Variants in NRG1 observed in about 807,000 individuals in gnomAD.
NRG1 encodes the protein neuregulin 1, also known as pro-neuregulin-1, membrane-bound isoform.
In NRG1, 18 loss-of-function variants were observed where a neutral mutation model predicts 63.8. That is an observed-to-expected ratio of 0.28 (90% CI 0.19 to 0.42). The LOEUF (loss-of-function observed/expected upper bound fraction) is 0.42, where lower values mean the gene tolerates loss of function less well. Among genes scored for constraint, NRG1 ranks in the 10% least tolerant of loss-of-function variants. NRG1 has a pLI of 1.00. For synonymous variants in NRG1, 302 were observed against 301.3 expected, an observed-to-expected ratio of 1.00 and a Z score of -0.02; for missense variants, 762 against 814.7, an observed-to-expected ratio of 0.94 and a Z score of 0.79.
chr8:31,797,499 T>C lies in NRG1; in HGVS notation c.37+158068T>C, dbSNP rs529704800. Among the ~76,000 whole-genome samples the C allele has an allele frequency of 5.3e-5, 8 of 152,340 alleles. No homozygotes were observed. In the East Asian group the frequency reaches 1.3e-3, roughly 26 times the overall value. ...GAATACAAAGAAAAGTGAGCTCTTA[T>C]AGCCTGTTGATGGGAATGTAAATTA... On this transcript the variant is annotated intron_variant, in intron 1 of 10. Coordinates refer to the NRG1 transcript ENST00000519301.
At chr8:32,458,053 G>T (rs1034700260) in intron 1 of NRG1, among the ~76,000 whole-genome samples, 1 of 152,110 alleles carries the variant, frequency 6.6e-6, no homozygotes, top group East Asian at 1.9e-4. Context: ...AAATAGCTGG[G>T]ACTACAGGCA....
At chr8:32,544,763 T>G (rs911194578), upstream of NRG1, among the ~76,000 whole-genome samples, 18 of 127,752 alleles carry the variant, frequency 1.4e-4, no homozygotes, top group African/African-American at 5.2e-4. Context: ...GCTCAAGCAA[T>G]CCACTCATCT....
intron 1 of NRG1, among the ~76,000 whole-genome samples, chr8:32,437,580 G>A (rs1473491865): frequency 6.6e-6 from 1 of 152,074 alleles, no homozygotes; most frequent in Non-Finnish European, 1.5e-5. Flanking sequence ...TTTCATGACT[G>A]GTTTTCACAA....
chr8:32,158,448 GATATATATAT>G (rs36087607), intron 1 of NRG1, among the ~76,000 whole-genome samples: 1,943 of 62,190 alleles, frequency 0.031, 184 homozygotes, highest in African/African-American at 0.073. Context: ...TGGTTTACAT[GATATATATAT>G]ATATATATAT....
Position 31,705,493 on chromosome 8 carries a change from T to C in NRG1, c.37+66062T>C, listed in dbSNP as rs143345076. On this transcript the variant is annotated intron_variant, in intron 1 of 10. Transcript: ENST00000519301. The stretch of plus-strand genomic sequence containing the variant: ...TGCAGGACAAGAGATAGGATGAAAG[T>C]TGGAAAATAATAATTTATGGAGAAA... Among the ~76,000 whole-genome samples the C allele has an allele frequency of 2.9e-3, 443 of 152,302 alleles. 3 individuals carry two copies. Among genetic ancestry groups the C allele is most frequent in the African/African-American group, 9.5e-3 (393 of 41,558 alleles).
At chr8:32,170,009 T>C (rs1319053987) in intron 1 of NRG1, among the ~76,000 whole-genome samples, 1 of 152,156 alleles carries the variant, frequency 6.6e-6, no homozygotes, top group Non-Finnish European at 1.5e-5. Flanking sequence ...AAGAACACCA[T>C]GTGAAGACAG....
At chr8:32,074,217 A>G (rs1826168140) in intron 1 of NRG1, among the ~76,000 whole-genome samples, 1 of 152,152 alleles carries the variant, frequency 6.6e-6, no homozygotes, top group South Asian at 2.1e-4. Flanking sequence ...TGCAATGAAG[A>G]CACTTCTGCA....
chr8:32,439,478 G>A (rs1819230458), intron 1 of NRG1, among the ~76,000 whole-genome samples: 2 of 152,054 alleles, frequency 1.3e-5, no homozygotes, highest in South Asian at 4.1e-4. Flanking sequence ...AGTGAAACCT[G>A]AAGAAGTAAA....
intron 1 of NRG1, among the ~76,000 whole-genome samples, chr8:32,284,048 C>A (rs1043253431): frequency 9.2e-5 from 14 of 152,090 alleles, no homozygotes; most frequent in African/African-American, 3.1e-4. Flanking sequence ...GTCTCTTGGG[C>A]CACTTTATGT....
intron 4 of NRG1, among the ~76,000 whole-genome samples, chr8:32,615,940 T>C (rs909088089): frequency 2.0e-5 from 3 of 152,102 alleles, no homozygotes; most frequent in Admixed American, 6.6e-5. Context: ...TTCTGTAATA[T>C]AGGGACTTCG....
At chr8:32,714,986 T>C (rs371385631) in intron 5 of NRG1, among the ~76,000 whole-genome samples, 82 of 152,320 alleles carry the variant, frequency 5.4e-4, no homozygotes, top group African/African-American at 1.9e-3. Flanking sequence ...TTGCTGATTT[T>C]TTTTTAAGAC....
At chr8:31,998,242 T>C (rs1404619192) in intron 1 of NRG1, among the ~76,000 whole-genome samples, 1 of 152,048 alleles carries the variant, frequency 6.6e-6, no homozygotes, top group Non-Finnish European at 1.5e-5. Context: ...GCCATAAAGA[T>C]ATAAGTCTTG....
At chr8:31,889,565 C>T (rs1054625820) in intron 1 of NRG1, among the ~76,000 whole-genome samples, 1 of 152,182 alleles carries the variant, frequency 6.6e-6, no homozygotes, top group African/African-American at 2.4e-5. Context: ...GCTCTGTGTT[C>T]TGGTTGGCAG....
chr8:32,409,283 C>A (rs1031359272), intron 1 of NRG1, among the ~76,000 whole-genome samples: 1 of 152,090 alleles, frequency 6.6e-6, no homozygotes, highest in Admixed American at 6.5e-5. Context: ...AAATGTAATA[C>A]CTGACACTAT....
At chr8:32,557,095 C>A (rs1051471620) in intron 1 of NRG1, among the ~76,000 whole-genome samples, 2 of 152,036 alleles carry the variant, frequency 1.3e-5, no homozygotes, top group Non-Finnish European at 2.9e-5. Context: ...AAGCTCCCCC[C>A]ACTGGGTTCA....
At position 31,701,507 on chromosome 8, in the gene NRG1, T is replaced by C. The variant is rs141569778; in HGVS notation, c.37+62076T>C. Among the ~76,000 whole-genome samples, 623 of 152,226 alleles carry C rather than the reference T, an allele frequency of 4.1e-3. 2 individuals are homozygous for C. Among genetic ancestry groups the C allele is most frequent in the South Asian group, 0.026 (127 of 4,822 alleles). On this transcript the variant is annotated intron_variant, in intron 1 of 10. Coordinates refer to the NRG1 transcript ENST00000519301. The stretch of plus-strand genomic sequence containing the variant: ...ACAATTATATTAATCTAGATTTGCC[T>C]GGTAAATCCATAACATACAGACCTG...
intron 1 of NRG1, among the ~76,000 whole-genome samples, chr8:32,346,479 CT>C (rs1374570701): frequency 6.6e-6 from 1 of 151,476 alleles, no homozygotes; most frequent in East Asian, 1.9e-4. Flanking sequence ...ACAGCTACAT[CT>C]AGATGGTCCA....
intron 1 of NRG1, among the ~76,000 whole-genome samples, chr8:32,070,140 A>G (rs114940279): frequency 2.4e-3 from 362 of 152,304 alleles, no homozygotes; most frequent in African/African-American, 8.2e-3. Flanking sequence ...GGTAGTAAAT[A>G]TATATTAACA....
intron 6 of NRG1, among the ~76,000 whole-genome samples, chr8:32,741,623 AG>A (rs1826325406): frequency 6.6e-6 from 1 of 152,212 alleles, no homozygotes; most frequent in Admixed American, 6.5e-5. Flanking sequence ...TATTGATAAG[AG>A]ACAGGGATGG....
Sources: allele counts gnomAD v4.1 joint callset (sites outside exome capture counted in the v4.1 genomes callset), GRCh38; gene constraint gnomAD v4.1.1; transcripts MANE v1.5; gene names NCBI Gene and HGNC (gene_info 2026-07-23, HGNC 2026-07-21).